Variants in CES3 observed in about 807,000 individuals in gnomAD.
The protein encoded by CES3 is carboxylesterase 3, also known as carboxylesterase 3 (brain).
CES3 carries 49 observed loss-of-function variants against 57.6 expected under a neutral mutation model. The observed-to-expected ratio is 0.85, with a 90% CI of 0.68 to 1.08. The LOEUF is 1.08. CES3 is among the 50% of genes least tolerant of loss of function. The pLI is 0.00. For missense variants in CES3, 645 were observed against 742.0 expected (o/e 0.87, Z 1.52); for synonymous variants, 266 against 281.6 (o/e 0.94, Z 0.55).
At chr16:66,961,627 G>A (rs543123772) in intron 1 of CES3, among the ~76,000 whole-genome samples, 10 of 152,178 alleles carry the variant, frequency 6.6e-5, no homozygotes, top group Non-Finnish European at 1.2e-4. Flanking sequence ...GCAATGGCGC[G>A]ATCTCGGCTC....
At chr16:66,967,428 C>A in intron 8 of CES3, 1 of 882,204 alleles carries the variant, frequency 1.1e-6, no homozygotes, top group Non-Finnish European at 1.4e-6. Flanking sequence ...GCAGCATATT[C>A]CTGCCTTGGC....
At position 66,974,294 on chromosome 16, in the gene CES3, A is replaced by G. The variant is rs1323758016; in HGVS notation, c.*1245A>G. The G allele has an allele frequency of 6.6e-6, 1 of 152,556 alleles. No individual in the cohort carries two copies. Among genetic ancestry groups the G allele is most frequent in the African/African-American group, 2.4e-5 (1 of 41,448 alleles). 9.5% of individuals were successfully genotyped at this position (152,556 alleles called of 1,614,324 possible). A position where few individuals can be genotyped will look rare whatever the true frequency, so the allele number is the denominator to read the frequency against. ...GAGGTGCGGAGGGAGAGGGGCGGGC[A>G]GGAACCGGGGCTGCGCGCAGCGCTT... On this transcript the variant is annotated 3_prime_UTR_variant, in exon 13 of 13. Coordinates refer to ENST00000303334, the MANE Select transcript of CES3 (RefSeq NM_024922.6).
intron 8 of CES3, among the ~76,000 whole-genome samples, chr16:66,968,774 C>G (rs918793150): frequency 6.6e-6 from 1 of 151,924 alleles, no homozygotes; most frequent in African/African-American, 2.4e-5. Flanking sequence ...ATTAGCTGGG[C>G]GTGGTGGTGC....
rs1010845348 is a variant in CES3 at position 66,974,167 on chromosome 16, C to T, written c.*1118C>T. On this transcript the variant is annotated 3_prime_UTR_variant, in exon 13 of 13. Transcript: ENST00000303334. ...TCTCCCTGCCGCCTCTGCCTGGGCTCCCACTTTGGCAGCACTTGAGGAGCC... is the reference window on the plus strand; with the variant it reads ...TCTCCCTGCCGCCTCTGCCTGGGCTTCCACTTTGGCAGCACTTGAGGAGCC... 2.0e-5 allele frequency: 3 copies of T among 152,780 alleles called. No homozygotes were observed. The highest frequency in any genetic ancestry group is 2.4e-5 in the African/African-American group (1 of 41,488). 9.5% of individuals were successfully genotyped at this position (152,780 alleles called of 1,614,324 possible). A position where few individuals can be genotyped will look rare whatever the true frequency, so the allele number is the denominator to read the frequency against.
intron 1 of CES3, chr16:66,962,934 C>T: frequency 2.9e-6 from 2 of 680,280 alleles, no homozygotes; most frequent in Non-Finnish European, 5.4e-6. Context: ...GGGCAAGTGG[C>T]TGGCCCCAAG....
In CES3 at chr16:66,963,130, C is replaced by T. The variant is rs1196770194; in HGVS notation, c.83-49C>T. 1.9e-6 allele frequency: 3 copies of T among 1,591,588 alleles called. No individual in the cohort carries two copies. In the South Asian group the frequency reaches 3.3e-5, roughly 18 times the overall value. On this transcript the variant is annotated intron_variant, in intron 1 of 12. Coordinates refer to ENST00000303334, the MANE Select transcript of CES3 (RefSeq NM_024922.6). The surrounding 1 kb of genome is among the most constrained non-coding windows in gnomAD (Gnocchi z 4.9). ...GAGGGTTTGTCTTTCACTCCTTCCC[C>T]TCATGGGGGCTGCAAACTCACCCCG...
chr16:66,961,503 AC>A, intron 1 of CES3, 114 bp downstream of exon 1: 1 of 782,106 alleles, frequency 1.3e-6, no homozygotes, highest in Non-Finnish European at 2.2e-6. Flanking sequence ...TTGGAGGCAG[AC>A]CAGGGGTTGT....
intron 8 of CES3, among the ~76,000 whole-genome samples, chr16:66,967,132 G>A (rs902825164): frequency 2.6e-5 from 4 of 152,148 alleles, no homozygotes; most frequent in East Asian, 1.9e-4. Flanking sequence ...ACCCAGGCTG[G>A]AGTGCAGTGG....
At chr16:66,966,093 G>A (rs1963725463) in intron 6 of CES3, 151 bp from the exon 7 acceptor site, 1 of 651,124 alleles carries the variant, frequency 1.5e-6, no homozygotes, top group Non-Finnish European at 2.6e-6. Flanking sequence ...GGCTTCTCAG[G>A]AGTGGTGACA....
intron 10 of CES3, 100 bp downstream of exon 10, chr16:66,971,419 T>C (rs1282703095): frequency 1.6e-6 from 2 of 1,262,124 alleles, no homozygotes; most frequent in Non-Finnish European, 2.2e-6. Context: ...GTTCCCTCAA[T>C]GCCTTGCACC....
rs1200361866 is a variant in CES3, at chr16:66,963,034, C to A, written c.83-145C>A. 2 of 872,672 alleles carry A rather than the reference C, an allele frequency of 2.3e-6. No individual in the cohort carries two copies. Among genetic ancestry groups the A allele is most frequent in the Admixed American group, 2.0e-5 (1 of 50,276 alleles). 54.1% of individuals were successfully genotyped at this position (872,672 alleles called of 1,614,324 possible). Reference sequence around the variant, plus strand: ...CAGGGAGGAGGAAGTTGGGCGTCAACCTAAGACCAGGCTCACCGGCTTGCT... The same window carrying A: ...CAGGGAGGAGGAAGTTGGGCGTCAAACTAAGACCAGGCTCACCGGCTTGCT... On this transcript the variant is annotated intron_variant, in intron 1 of 12. Transcript: ENST00000303334. The surrounding 1 kb of genome is among the most constrained non-coding windows in gnomAD (Gnocchi z 4.9).
At chr16:66,962,651 C>T (rs1217834445) in intron 1 of CES3, among the ~76,000 whole-genome samples, 2 of 152,202 alleles carry the variant, frequency 1.3e-5, no homozygotes, top group East Asian at 1.9e-4. Flanking sequence ...AATGCCAGCA[C>T]TTTGGGAGCC....
Position 66,963,048 on chromosome 16 carries a change from C to A in CES3, c.83-131C>A. ...TTGGGCGTCAACCTAAGACCAGGCT[C>A]ACCGGCTTGCTGGGAAGGTTACCAA... On this transcript the variant is annotated intron_variant, in intron 1 of 12. Coordinates refer to ENST00000303334, the MANE Select transcript of CES3 (RefSeq NM_024922.6). The surrounding 1 kb of genome is among the most constrained non-coding windows in gnomAD (Gnocchi z 4.9). The A allele has an allele frequency of 1.0e-6, 1 of 963,428 alleles. No homozygotes were observed. The highest frequency in any genetic ancestry group is 1.6e-6 in the Non-Finnish European group (1 of 618,534). 59.7% of individuals were successfully genotyped at this position (963,428 alleles called of 1,614,324 possible).
rs1186024748 is a variant in CES3, at chr16:66,974,402, C to G, written c.*1353C>G. 6.6e-6 allele frequency: 1 copy of G among 152,472 alleles called. No homozygotes were observed. The highest frequency in any genetic ancestry group is 1.5e-5 in the Non-Finnish European group (1 of 68,238). 9.4% of individuals were successfully genotyped at this position (152,472 alleles called of 1,614,324 possible). A position where few individuals can be genotyped will look rare whatever the true frequency, so the allele number is the denominator to read the frequency against. ...CTGGCCGGCCCCAGGCAGTGAGGGC[C>G]TTAGCACCTGGGCCAGCAGCTGCTG... On this transcript the variant is annotated 3_prime_UTR_variant, in exon 13 of 13. Coordinates refer to ENST00000303334, the MANE Select transcript of CES3 (RefSeq NM_024922.6).
chr16:66,971,143 G>A (rs1000091655), intron 9 of CES3, 29 bp from the exon 10 acceptor site: 4 of 1,600,572 alleles, frequency 2.5e-6, no homozygotes, highest in Non-Finnish European at 2.6e-6. Flanking sequence ...TGCACCCTGA[G>A]CAGGGCTGAG....
chr16:66,962,948 C>G (rs1963670518), intron 1 of CES3: 8 of 693,830 alleles, frequency 1.2e-5, no homozygotes, highest in South Asian at 7.5e-5. Flanking sequence ...CCCCAAGGCA[C>G]AAGGCCCTAG....
At chr16:66,965,454 G>A (rs890549996) in intron 6 of CES3, among the ~76,000 whole-genome samples, 1 of 152,194 alleles carries the variant, frequency 6.6e-6, no homozygotes, top group African/African-American at 2.4e-5. Flanking sequence ...GCAGGATTTG[G>A]AAGACTGGGT....
At chr16:66,968,132 T>G (rs191346634) in intron 8 of CES3, among the ~76,000 whole-genome samples, 3 of 152,142 alleles carry the variant, frequency 2.0e-5, no homozygotes, top group Admixed American at 6.6e-5. Context: ...ATCTTGGCAT[T>G]TGGGCATCTT....
chr16:66,971,045 C>T (rs1021775166), intron 9 of CES3, 127 bp from the exon 10 acceptor site: 109 of 1,056,824 alleles, frequency 1.0e-4, no homozygotes, highest in Admixed American at 4.1e-4. Context: ...AGAGAGGCAG[C>T]TGGCTGTCCC....
Sources: gnomAD v4.1 joint callset for allele counts (sites outside exome capture counted in the v4.1 genomes callset) on GRCh38, gnomAD v4.1.1 for gene constraint, Gnocchi (gnomAD v3.1) non-coding constraint, MANE v1.5 for transcripts, NCBI Gene and HGNC (gene_info 2026-07-23, HGNC 2026-07-21) for gene names.